SHANK2: variants seen among roughly 807,000 people sequenced by gnomAD.
SHANK2 encodes the protein SH3 and multiple ankyrin repeat domains protein 2.
A neutral mutation model predicts 133.7 loss-of-function variants in SHANK2; 43 were observed. The ratio of observed to expected loss-of-function variants is 0.32; its 90% confidence interval spans 0.25 to 0.41. The LOEUF is 0.41. Ranked by LOEUF, SHANK2 falls within the 10% of genes least tolerant of loss-of-function variation. The pLI is 1.00. For missense variants in SHANK2, 1,994 were observed against 2,235.8 expected (o/e 0.89, Z 2.18); for synonymous variants, 1,017 against 952.8 (o/e 1.07, Z -1.24).
chr11:70,632,465 A>G (rs1401068077), intron 17 of SHANK2, among the ~76,000 whole-genome samples: 1 of 152,068 alleles, frequency 6.6e-6, no homozygotes, highest in Non-Finnish European at 1.5e-5. Flanking sequence ...CAGGTGTGTG[A>G]AGGCAGTCTG....
intron 17 of SHANK2, among the ~76,000 whole-genome samples, chr11:70,541,355 G>A (rs1209803614): frequency 4.6e-5 from 7 of 152,324 alleles, no homozygotes; most frequent in South Asian, 4.1e-4. Context: ...AATAGCCACC[G>A]GCCCCCCACC....
At chr11:70,589,186 G>A (rs1554987481) in intron 17 of SHANK2, among the ~76,000 whole-genome samples, 1 of 152,174 alleles carries the variant, frequency 6.6e-6, no homozygotes, top group Non-Finnish European at 1.5e-5. Context: ...ATCGATGTCT[G>A]GTTTCAAAGA....
intron 6 of SHANK2, among the ~76,000 whole-genome samples, chr11:71,095,979 C>A (rs1023945642): frequency 1.5e-5 from 2 of 135,170 alleles, no homozygotes; most frequent in South Asian, 2.9e-4. Context: ...GAAAAGCATG[C>A]TTCCTGTCTT....
In SHANK2 at chr11:71,203,989, T is replaced by C. The variant is rs575616677; in HGVS notation, c.-13+20708A>G. Among the ~76,000 whole-genome samples, 9 of 152,294 alleles carry C rather than the reference T, an allele frequency of 5.9e-5. No homozygotes were observed. In the East Asian group the frequency reaches 9.7e-4, roughly 16 times the overall value. ...GGTCTCTCCTGGACTCTGCCCCACA[T>C]GCCTTTTGCCTTTGCTGATTCCACC... On this transcript the variant is annotated intron_variant, in intron 2 of 25. Coordinates refer to ENST00000601538, the MANE Select transcript of SHANK2 (RefSeq NM_012309.5).
chr11:70,691,711 G>A (rs1381154011), intron 15 of SHANK2, among the ~76,000 whole-genome samples: 2 of 152,164 alleles, frequency 1.3e-5, no homozygotes, highest in Non-Finnish European at 2.9e-5. Context: ...GGCCAACATG[G>A]TGAAACCCCG....
At chr11:70,772,305 T>C (rs1947267175) in intron 14 of SHANK2, among the ~76,000 whole-genome samples, 1 of 151,560 alleles carries the variant, frequency 6.6e-6, no homozygotes, top group Non-Finnish European at 1.5e-5. Flanking sequence ...CTGGGGGTGG[T>C]GGCGCGCGCC....
At chr11:70,618,829 C>T (rs2060791545) in intron 17 of SHANK2, among the ~76,000 whole-genome samples, 1 of 152,182 alleles carries the variant, frequency 6.6e-6, no homozygotes, top group South Asian at 2.1e-4. Context: ...GCCCGGAAAC[C>T]ACCCAAGGCT....
intron 17 of SHANK2, among the ~76,000 whole-genome samples, chr11:70,534,175 A>G (rs901315486): frequency 5.3e-5 from 8 of 152,148 alleles, no homozygotes; most frequent in Non-Finnish European, 8.8e-5. Flanking sequence ...GGTTTAATTG[A>G]CTCACAGTTC....
chr11:70,594,759 T>G (rs1398409935), intron 17 of SHANK2, among the ~76,000 whole-genome samples: 1 of 152,010 alleles, frequency 6.6e-6, no homozygotes, highest in Non-Finnish European at 1.5e-5. Context: ...GAGTGAAGAG[T>G]GAGCTAATGG....
chr11:70,502,751 C>G (rs782028768), intron 18 of SHANK2, 45 bp downstream of exon 18: 17 of 1,319,570 alleles, frequency 1.3e-5, no homozygotes, highest in African/African-American at 1.2e-4. Flanking sequence ...ACCCCCCCCC[C>G]CCAGTAGGGC....
At chr11:71,057,905 A>C (rs1950940165) in intron 9 of SHANK2, among the ~76,000 whole-genome samples, 1 of 145,402 alleles carries the variant, frequency 6.9e-6, no homozygotes, top group Admixed American at 7.1e-5. Flanking sequence ...GTTAAAAGCA[A>C]GCAAAACGGT....
chr11:70,590,122 A>G (rs2060302890), intron 17 of SHANK2, among the ~76,000 whole-genome samples: 2 of 152,222 alleles, frequency 1.3e-5, no homozygotes, highest in Admixed American at 6.5e-5. Flanking sequence ...AGATTGCGTC[A>G]CTGCACTCCA....
At chr11:70,504,600 C>A (rs981132679) in intron 17 of SHANK2, among the ~76,000 whole-genome samples, 26 of 152,330 alleles carry the variant, frequency 1.7e-4, no homozygotes, top group African/African-American at 6.0e-4. Context: ...TCACCCTGCA[C>A]TGCCCTGAAG....
At chr11:70,725,168 A>T (rs1946153670) in intron 14 of SHANK2, among the ~76,000 whole-genome samples, 1 of 152,192 alleles carries the variant, frequency 6.6e-6, no homozygotes, top group Non-Finnish European at 1.5e-5. Flanking sequence ...GGGCAAAAAT[A>T]AGCACCGTAC....
At chr11:71,148,546 A>G (rs1358202048) in intron 2 of SHANK2, among the ~76,000 whole-genome samples, 16 of 152,358 alleles carry the variant, frequency 1.1e-4, no homozygotes, top group African/African-American at 3.4e-4. Flanking sequence ...AGGAGGGGCC[A>G]TGCTGAACCA....
chr11:70,826,241 A>T (rs1590730791), intron 11 of SHANK2, among the ~76,000 whole-genome samples: 1 of 152,346 alleles, frequency 6.6e-6, no homozygotes, highest in Admixed American at 6.5e-5. Flanking sequence ...ACAAGGGCTG[A>T]AGGTTTGAAA....
intron 8 of SHANK2, among the ~76,000 whole-genome samples, chr11:71,090,793 G>A (rs781901739): frequency 1.3e-5 from 2 of 152,216 alleles, no homozygotes; most frequent in African/African-American, 4.8e-5. Context: ...CACGGAGGCT[G>A]TAAGTCTGAA....
intron 17 of SHANK2, among the ~76,000 whole-genome samples, chr11:70,570,199 G>A (rs893353742): frequency 2.0e-5 from 3 of 152,156 alleles, no homozygotes; most frequent in Admixed American, 2.0e-4. Flanking sequence ...TTTGGCTGGC[G>A]GCCACGCCGA....
chr11:71,166,726 G>A (rs1953158917), intron 2 of SHANK2, among the ~76,000 whole-genome samples: 1 of 150,570 alleles, frequency 6.6e-6, no homozygotes, highest in Admixed American at 6.6e-5. Context: ...CAAGTGATCT[G>A]CCCTCCTCAG....
Sources: allele counts gnomAD v4.1 joint callset (sites outside exome capture counted in the v4.1 genomes callset), GRCh38; gene constraint gnomAD v4.1.1; transcripts MANE v1.5; gene names NCBI Gene and HGNC (gene_info 2026-07-23, HGNC 2026-07-21).